Variants in NAV3 observed in about 807,000 individuals in gnomAD.
NAV3 encodes the protein neuron navigator 3.
A neutral mutation model predicts 244.7 loss-of-function variants in NAV3; 87 were observed. That is an observed-to-expected ratio of 0.36 (90% confidence interval 0.30 to 0.42). The LOEUF is 0.42. NAV3 is among the 20% of genes least tolerant of loss of function. NAV3 has a pLI of 1.00. For synonymous variants in NAV3, 1,126 were observed against 1,042.2 expected, an observed-to-expected ratio of 1.08 and a Z score of -1.55; for missense variants, 2,663 against 2,893.3, an observed-to-expected ratio of 0.92 and a Z score of 1.83.
chr12:77,944,687 T>G (rs1890168397), intron 3 of NAV3, among the ~76,000 whole-genome samples: 1 of 152,100 alleles, frequency 6.6e-6, no homozygotes, highest in Admixed American at 6.6e-5. Flanking sequence ...GAGGTCTGCA[T>G]GAAGTCACAG....
chr12:78,037,145 C>T, intron 9 of NAV3: 1 of 703,024 alleles, frequency 1.4e-6, no homozygotes, highest in Non-Finnish European at 2.6e-6. Context: ...CTGCTGGGGG[C>T]AGCCAGTCAG....
At chr12:78,094,041 T>C (rs754277680) in intron 12 of NAV3, among the ~76,000 whole-genome samples, 15 of 152,180 alleles carry the variant, frequency 9.9e-5, no homozygotes, top group Non-Finnish European at 1.6e-4. Flanking sequence ...AGTCTCGCCA[T>C]GTGGCCCAGG....
At chr12:77,594,454 C>G (rs576911335) in intron 2 of NAV3, among the ~76,000 whole-genome samples, 1 of 152,254 alleles carries the variant, frequency 6.6e-6, no homozygotes, top group East Asian at 1.9e-4. Context: ...GACAGAAATA[C>G]TGTACACTAA....
At chr12:77,842,621 GCTTGGAGGTATTGTGAAA>G (rs1875876097) in intron 1 of NAV3, among the ~76,000 whole-genome samples, 1 of 151,062 alleles carries the variant, frequency 6.6e-6, no homozygotes, top group Non-Finnish European at 1.5e-5. Flanking sequence ...CTCTCTCTTG[GCTTGGAGGTATTGTGAAA>G]CTTCTGTCAG....
chr12:78,010,096 A>T (rs1875003177), intron 8 of NAV3, among the ~76,000 whole-genome samples: 1 of 152,164 alleles, frequency 6.6e-6, no homozygotes, highest in Non-Finnish European at 1.5e-5. Flanking sequence ...TTCACATTGA[A>T]GTCTATATAT....
In NAV3 at chr12:77,730,560, T is replaced by C. The variant is rs145968211; in HGVS notation, c.72+158294T>C. ...TCCAATAAATGTTTATTGAGCATTG[T>C]TATGTGTCTTGCATTGTTCTAGGTG... is the stretch of plus-strand genomic sequence containing the variant. On this transcript the variant is annotated intron_variant, in intron 2 of 8. Coordinates refer to the NAV3 transcript ENST00000550042. 5.3e-3 allele frequency among the ~76,000 whole-genome samples: 803 copies of C among 152,022 alleles called. 3 individuals are homozygous for C. Among genetic ancestry groups the C allele is most frequent in the African/African-American group, 0.018 (767 of 41,530 alleles).
At chr12:78,102,388 C>A (rs1367860572) in intron 12 of NAV3, among the ~76,000 whole-genome samples, 2 of 152,240 alleles carry the variant, frequency 1.3e-5, no homozygotes, top group South Asian at 2.1e-4. Flanking sequence ...TTCCCATAAT[C>A]TTTGGCAGCT....
chr12:78,169,008 C>A lies in NAV3; in HGVS notation c.4981+142C>A, dbSNP rs79034546. On this transcript the variant is annotated intron_variant, in intron 24 of 39. Transcript: ENST00000397909. Reference sequence around the variant, plus strand: ...GTATTAATAGTTGTATTAATACATACTAGTAGTATTAATACATACTACGTT... The same window carrying A: ...GTATTAATAGTTGTATTAATACATAATAGTAGTATTAATACATACTACGTT... 2,473 of 532,446 alleles carry A rather than the reference C, an allele frequency of 4.6e-3. 43 individuals carry two copies. Among genetic ancestry groups the A allele is most frequent in the African/African-American group, 0.043 (2,207 of 50,876 alleles). The allele number at this position is 532,446 out of a possible 1,614,324, so 33.0% of individuals were successfully genotyped here. A position where few individuals can be genotyped will look rare whatever the true frequency, so the allele number is the denominator to read the frequency against.
chr12:77,598,132 G>T (rs1870253841), intron 2 of NAV3, among the ~76,000 whole-genome samples: 1 of 152,002 alleles, frequency 6.6e-6, no homozygotes, highest in Non-Finnish European at 1.5e-5. Flanking sequence ...ATTGTTTTGA[G>T]AATGTTATCT....
intron 5 of NAV3, among the ~76,000 whole-genome samples, chr12:77,992,031 A>T (rs1615257): frequency 0.098 from 14,942 of 152,112 alleles, 1,002 homozygotes; most frequent in East Asian, 0.3. Context: ...CAAAAAAAAA[A>T]ACGAATATTT....
intron 12 of NAV3, among the ~76,000 whole-genome samples, chr12:78,076,916 G>A (rs896865580): frequency 2.6e-5 from 4 of 152,070 alleles, no homozygotes; most frequent in Non-Finnish European, 4.4e-5. Flanking sequence ...AAATAGCAAA[G>A]TATAATACTA....
At chr12:78,192,896 C>G (rs1015114685) in intron 34 of NAV3, among the ~76,000 whole-genome samples, 1 of 151,926 alleles carries the variant, frequency 6.6e-6, no homozygotes, top group African/African-American at 2.4e-5. Context: ...ACAGAGAATA[C>G]CCACTATTTT....
intron 2 of NAV3, among the ~76,000 whole-genome samples, chr12:77,630,132 G>A (rs891519512): frequency 3.3e-5 from 5 of 152,114 alleles, no homozygotes; most frequent in South Asian, 2.1e-4. Context: ...ACTGACTAGG[G>A]TTAAAGTAAG....
At chr12:77,756,245 T>C (rs963817315) in intron 2 of NAV3, among the ~76,000 whole-genome samples, 1 of 152,202 alleles carries the variant, frequency 6.6e-6, no homozygotes, top group Non-Finnish European at 1.5e-5. Flanking sequence ...AGCAAGTGTT[T>C]ATAGAAATAG....
intron 2 of NAV3, among the ~76,000 whole-genome samples, chr12:77,593,700 T>C (rs2136732403): frequency 6.7e-6 from 1 of 150,218 alleles, no homozygotes; most frequent in East Asian, 2.0e-4. Flanking sequence ...GGTATAGATC[T>C]CCTGACCTCG....
chr12:78,004,889 G>A (rs1038254617), intron 7 of NAV3, among the ~76,000 whole-genome samples: 1 of 152,166 alleles, frequency 6.6e-6, no homozygotes, highest in Non-Finnish European at 1.5e-5. Context: ...ATTACTGTGG[G>A]TTGGATGTGG....
intron 5 of NAV3, among the ~76,000 whole-genome samples, chr12:77,974,040 GT>G (rs1443593598): frequency 6.6e-6 from 1 of 151,894 alleles, no homozygotes; most frequent in Non-Finnish European, 1.5e-5. Flanking sequence ...TTAAGAGAAA[GT>G]TTGTGTGTGC....
chr12:77,960,472 T>C (rs189497156), intron 3 of NAV3, among the ~76,000 whole-genome samples: 20 of 133,098 alleles, frequency 1.5e-4, no homozygotes, highest in African/African-American at 4.6e-4. Context: ...CACACACACA[T>C]ATACATAAAC....
chr12:77,935,185 T>C (rs1274937728), intron 1 of NAV3, among the ~76,000 whole-genome samples: 1 of 152,160 alleles, frequency 6.6e-6, no homozygotes, highest in Non-Finnish European at 1.5e-5. Flanking sequence ...AGCAGCTTGC[T>C]GTGACAGACA....
Sources: gnomAD v4.1 joint callset for allele counts (sites outside exome capture counted in the v4.1 genomes callset) on GRCh38, gnomAD v4.1.1 for gene constraint, MANE v1.5 for transcripts, NCBI Gene and HGNC (gene_info 2026-07-23, HGNC 2026-07-21) for gene names.